The following DNAH11 variants were observed in gnomAD, a reference collection of about 807,000 sequenced individuals.
The protein encoded by DNAH11 is dynein axonemal heavy chain 11, also known as axonemal beta dynein heavy chain 11.
In DNAH11, 442 loss-of-function variants were observed where a neutral mutation model predicts 526.0. The ratio of observed to expected loss-of-function variants is 0.84; its 90% CI spans 0.78 to 0.91. The LOEUF (loss-of-function observed/expected upper bound fraction) is 0.91. Among genes scored for constraint, DNAH11 ranks in the 40% least tolerant of loss-of-function variants. The pLI is 0.00. For synonymous variants in DNAH11, 2,461 were observed against 1,935.9 expected (o/e 1.27, Z -7.12); for missense variants, 6,989 against 5,448.7 (o/e 1.28, Z -8.90).
intron 35 of DNAH11, among the ~76,000 whole-genome samples, chr7:21,694,420 A>T (rs566683936): frequency 6.6e-6 from 1 of 152,122 alleles, no homozygotes; most frequent in South Asian, 2.1e-4. Flanking sequence ...TCATTGCTCA[A>T]CTGCCACTTA....
chr7:21,725,989 G>T lies in DNAH11; in HGVS notation c.7440+5G>T. ...GATCCAGATGTGCCTCTGCAGGTAGGTGTGTGGAACATAGCAATTGTATTA... is the reference window on the plus strand; with the variant it reads ...GATCCAGATGTGCCTCTGCAGGTAGTTGTGTGGAACATAGCAATTGTATTA... On this transcript the variant is annotated splice_donor_5th_base_variant and intron_variant, in intron 45 of 81. Coordinates refer to ENST00000409508, the MANE Select transcript of DNAH11 (RefSeq NM_001277115.2). 1 of 1,546,296 alleles carries T rather than the reference G, an allele frequency of 6.5e-7. No individual in the cohort carries two copies. The highest frequency in any genetic ancestry group is 8.7e-7 in the Non-Finnish European group (1 of 1,144,552).
intron 9 of DNAH11, among the ~76,000 whole-genome samples, chr7:21,584,693 C>T (rs534359364): frequency 6.6e-6 from 1 of 152,244 alleles, no homozygotes; most frequent in East Asian, 1.9e-4. Context: ...CCTGTAATCT[C>T]ATCTCTCAGG....
chr7:21,597,839 A>T (rs1316817119), intron 14 of DNAH11, among the ~76,000 whole-genome samples: 1 of 152,144 alleles, frequency 6.6e-6, no homozygotes, highest in Non-Finnish European at 1.5e-5. Flanking sequence ...CAGCTGTAAG[A>T]TCTATACTTT....
intron 20 of DNAH11, among the ~76,000 whole-genome samples, chr7:21,613,763 T>C (rs1347071843): frequency 6.6e-6 from 1 of 152,126 alleles, no homozygotes; most frequent in East Asian, 1.9e-4. Flanking sequence ...TTTCACAATA[T>C]ATAGATTTTT....
chr7:21,698,715 G>A (rs1259111893), intron 36 of DNAH11, among the ~76,000 whole-genome samples: 1 of 152,036 alleles, frequency 6.6e-6, no homozygotes, highest in Non-Finnish European at 1.5e-5. Flanking sequence ...TCCACTCATT[G>A]GCTGATGGAC....
chr7:21,582,595 T>C (rs556285194), intron 9 of DNAH11, among the ~76,000 whole-genome samples: 17 of 152,258 alleles, frequency 1.1e-4, no homozygotes, highest in Non-Finnish European at 2.2e-4. Flanking sequence ...TGTCACAGAA[T>C]TGATGAAATA....
At chr7:21,808,141 G>A (rs1789354740) in intron 63 of DNAH11, 92 bp downstream of exon 63, 14 of 1,069,184 alleles carry the variant, frequency 1.3e-5, no homozygotes, top group East Asian at 2.9e-5. Context: ...GCTTTTGGAC[G>A]TCTGTAATGA....
chr7:21,893,511 G>C (rs1348485282), intron 77 of DNAH11, among the ~76,000 whole-genome samples: 1 of 152,206 alleles, frequency 6.6e-6, no homozygotes, highest in Admixed American at 6.5e-5. Flanking sequence ...AGTGATGCCA[G>C]CTGGCAGGCA....
chr7:21,592,677 A>T (rs553703512), intron 14 of DNAH11, among the ~76,000 whole-genome samples: 1 of 152,224 alleles, frequency 6.6e-6, no homozygotes, highest in Non-Finnish European at 1.5e-5. Flanking sequence ...GTGAGAAATG[A>T]TGCTGCCTTG....
intron 70 of DNAH11, 90 bp from the exon 71 acceptor site, chr7:21,866,380 T>C: frequency 7.6e-7 from 1 of 1,320,474 alleles, no homozygotes. Context: ...ACAGTTTTTT[T>C]ACATAAGATT....
intron 65 of DNAH11, among the ~76,000 whole-genome samples, chr7:21,838,221 A>C (rs1358731024): frequency 6.6e-6 from 1 of 152,256 alleles, no homozygotes. Flanking sequence ...AGATGTCCTT[A>C]TCAAACAAGA....
At chr7:21,628,073 AT>A (rs1471994718) in intron 25 of DNAH11, among the ~76,000 whole-genome samples, 3 of 151,542 alleles carry the variant, frequency 2.0e-5, no homozygotes, top group African/African-American at 7.3e-5. Context: ...TGCCTTCTTG[AT>A]TTCTTTTTTC....
intron 65 of DNAH11, among the ~76,000 whole-genome samples, chr7:21,825,755 C>A (rs560107672): frequency 6.6e-6 from 1 of 151,804 alleles, no homozygotes; most frequent in South Asian, 2.1e-4. Context: ...GTCAGGAGAT[C>A]GAGACCAACC....
intron 9 of DNAH11, among the ~76,000 whole-genome samples, chr7:21,582,663 A>G (rs1784354060): frequency 6.6e-6 from 1 of 152,334 alleles, no homozygotes; most frequent in African/African-American, 2.4e-5. Flanking sequence ...TGAAAAGCTT[A>G]TAATATGAGG....
chr7:21,863,944 A>C (rs1783170631), intron 69 of DNAH11, among the ~76,000 whole-genome samples: 1 of 152,198 alleles, frequency 6.6e-6, no homozygotes. Context: ...GGAAATTAGG[A>C]ATACTTCATT....
At chr7:21,647,195 G>A (rs1787393867) in intron 28 of DNAH11, among the ~76,000 whole-genome samples, 1 of 152,060 alleles carries the variant, frequency 6.6e-6, no homozygotes, top group Admixed American at 6.6e-5. Flanking sequence ...TCTCCAAATT[G>A]ATGAAAAGTA....
rs772793348 is a variant in DNAH11 at position 21,710,686 on chromosome 7, G to A, written c.6817G>A (p.Val2273Ile). Residue 2273 changes from valine to isoleucine, a missense_variant, in exon 41 of 82, where the codon GTA becomes ATA. Physicochemically the swap from Val to Ile is conservative, Grantham distance 29. Coordinates refer to ENST00000409508, the MANE Select transcript of DNAH11 (RefSeq NM_001277115.2). ...DPMWIESLNT[V>I]MDDNKVLTLA... ...CATGTGGATTGAATCACTGAATACT[G>A]TAATGGATGATAACAAGGTGAATAA... The A allele has an allele frequency of 1.2e-5, 20 of 1,612,206 alleles. No homozygotes were observed. The highest frequency in any genetic ancestry group is 5.0e-5 in the Admixed American group (3 of 59,754).
In DNAH11 at chr7:21,616,961, C is replaced by G. The variant is rs561687756; in HGVS notation, c.4096-658C>G. Among the ~76,000 whole-genome samples, 25 of 152,302 alleles carry G rather than the reference C, an allele frequency of 1.6e-4. No individual in the cohort carries two copies. The South Asian group carries it at 5.2e-3, about 32-fold the overall frequency. On this transcript the variant is annotated intron_variant, in intron 22 of 81. Transcript: ENST00000409508. ...TTCCTTGCCTCAGCTTCTACCCACT[C>G]TCGCCTGTATTTTCCCCCATATTAT...
rs746131268 is a variant in DNAH11 at position 21,687,474 on chromosome 7, G to C, written c.5871G>C (p.Val1957=). The change falls in exon 34 of 82, where the codon GTG becomes GTC. Residue 1957 remains valine (V), a synonymous_variant. Transcript: ENST00000409508. ...GAATCTCTGTGGAAGTTCTGTCAGT[G>C]GTGGCAGTACAAGTGAAAATGATTC... ...FNRISVEVLS[V]VAVQVKMIHD... 6.2e-7 allele frequency: 1 copy of C among 1,613,762 alleles called. No homozygotes were observed.
Sources: allele counts gnomAD v4.1 joint callset (sites outside exome capture counted in the v4.1 genomes callset), GRCh38; gene constraint gnomAD v4.1.1; transcripts MANE v1.5; gene names NCBI Gene and HGNC (gene_info 2026-07-23, HGNC 2026-07-21).